Variants in ZNF473 observed in about 807,000 individuals in gnomAD.
ZNF473 encodes zinc finger protein 473, also known as zinc finger protein 100 homolog.
ZNF473 carries 4 observed loss-of-function variants against 11.1 expected under a neutral mutation model. The observed-to-expected ratio is 0.36, with a 90% CI of 0.18 to 0.82. The LOEUF (loss-of-function observed/expected upper bound fraction) is 0.82. Ranked by LOEUF, ZNF473 falls within the 40% of genes least tolerant of loss-of-function variation. The probability of loss-of-function intolerance (pLI) is 0.49; values close to 1 mark genes in which losing one functional copy is unlikely to be tolerated. For missense variants in ZNF473, 854 were observed against 1,084.0 expected, an observed-to-expected ratio of 0.79 and a Z score of 2.98; for synonymous variants, 404 against 390.4, an observed-to-expected ratio of 1.03 and a Z score of -0.41.
Position 50,039,403 on chromosome 19 carries a change from C to T in ZNF473, c.136+116C>T. ...CTGGGCTCCTCAGAATCAGCATGACCTAGCCCAGCAGTTCTCAGCTGGCCG... is the reference window on the plus strand; with the variant it reads ...CTGGGCTCCTCAGAATCAGCATGACTTAGCCCAGCAGTTCTCAGCTGGCCG... On this transcript the variant is annotated intron_variant, in intron 3 of 4. Coordinates refer to ENST00000270617, the MANE Select transcript of ZNF473 (RefSeq NM_015428.4). The surrounding 1 kb of genome is among the most constrained non-coding windows in gnomAD (Gnocchi z 4.8). The T allele has an allele frequency of 2.2e-6, 3 of 1,384,934 alleles. No individual in the cohort carries two copies. Among genetic ancestry groups the T allele is most frequent in the Non-Finnish European group, 3.0e-6 (3 of 1,015,394 alleles). The allele number at this position is 1,384,934 out of a possible 1,614,324, so 85.8% of individuals were successfully genotyped here. A position where few individuals can be genotyped will look rare whatever the true frequency, so the allele number is the denominator to read the frequency against.
intron 2 of ZNF473, among the ~76,000 whole-genome samples, chr19:50,035,940 T>C (rs1283774146): frequency 6.6e-6 from 1 of 151,808 alleles, no homozygotes; most frequent in Non-Finnish European, 1.5e-5. Flanking sequence ...CCGTGTGCTG[T>C]GGTTGGAATG....
chr19:50,039,912 C>T lies in ZNF473; in HGVS notation c.136+625C>T, dbSNP rs1344351138. On this transcript the variant is annotated intron_variant, in intron 3 of 4. Transcript: ENST00000270617. The surrounding 1 kb of genome is among the most constrained non-coding windows in gnomAD (Gnocchi z 4.8). Reference sequence around the variant, plus strand: ...GAACGAACAGTACCTGCTCTAGGGCCCAGCAGACAGCTCTAAACTAATGAA... The same window carrying T: ...GAACGAACAGTACCTGCTCTAGGGCTCAGCAGACAGCTCTAAACTAATGAA... Among the ~76,000 whole-genome samples the T allele has an allele frequency of 6.6e-6, 1 of 152,158 alleles. No individual in the cohort carries two copies.
At chr19:50,040,308 G>A (rs775136156) in intron 3 of ZNF473, among the ~76,000 whole-genome samples, 2 of 152,218 alleles carry the variant, frequency 1.3e-5, no homozygotes, top group Non-Finnish European at 2.9e-5. Context: ...ATGTGATATC[G>A]CGTGTGAAAT....
chr19:50,031,495 C>T (rs1031398333), intron 2 of ZNF473, among the ~76,000 whole-genome samples: 1 of 152,204 alleles, frequency 6.6e-6, no homozygotes, highest in African/African-American at 2.4e-5. Flanking sequence ...GTTGGGCCCT[C>T]TGCTGGAATT....
intron 3 of ZNF473, among the ~76,000 whole-genome samples, chr19:50,040,286 C>A (rs1978698271): frequency 6.6e-6 from 1 of 152,236 alleles, no homozygotes. Context: ...ATTCCCCCAG[C>A]AATACTGTAG....
In ZNF473 at chr19:50,045,076, T is replaced by C. The variant is rs772775849; in HGVS notation, c.633T>C (p.Cys211=). ...AGGAAGGGGAGAAACCATATCAATG[T>C]AGTGAATGTGGGAAAAGCTTCAGTG... ...SVQEGEKPYQ[C]SECGKSFSGS... is the part of the protein sequence containing the mutation. The change falls in exon 5 of 5, where the codon TGT becomes TGC. Residue 211 remains cysteine, a synonymous_variant. Transcript: ENST00000270617. 1.2e-6 allele frequency: 2 copies of C among 1,614,122 alleles called. No homozygotes were observed. The highest frequency in any genetic ancestry group is 1.7e-6 in the Non-Finnish European group (2 of 1,180,016).
intron 1 of ZNF473, among the ~76,000 whole-genome samples, chr19:50,029,378 C>T (rs2077304857): frequency 6.6e-6 from 1 of 152,238 alleles, no homozygotes; most frequent in South Asian, 2.1e-4. Context: ...GATCTCCTGA[C>T]CTCGTGATCC....
chr19:50,039,578 G>T lies in ZNF473; in HGVS notation c.136+291G>T, dbSNP rs184873911. Among the ~76,000 whole-genome samples the T allele has an allele frequency of 1.6e-3, 249 of 152,374 alleles. No individual in the cohort carries two copies. The highest frequency in any genetic ancestry group is 5.5e-3 in the African/African-American group (227 of 41,578). ...GCCCCACAACCAAGGATTGGCCCAC[G>T]CCAGTGTCAGTAGTGCTAAGCCTGG... On this transcript the variant is annotated intron_variant, in intron 3 of 4. Coordinates refer to ENST00000270617, the MANE Select transcript of ZNF473 (RefSeq NM_015428.4). The surrounding 1 kb of genome is among the most constrained non-coding windows in gnomAD (Gnocchi z 4.8).
intron 1 of ZNF473, among the ~76,000 whole-genome samples, chr19:50,029,231 C>T (rs1259666336): frequency 1.3e-5 from 2 of 152,222 alleles, no homozygotes; most frequent in African/African-American, 2.4e-5. Context: ...CAAGCTCCAC[C>T]TCCCGGGTTC....
chr19:50,041,930 C>T lies in ZNF473; in HGVS notation c.226+111C>T. 3.7e-6 allele frequency: 3 copies of T among 821,716 alleles called. No homozygotes were observed. In the South Asian group the frequency reaches 5.5e-5, roughly 15 times the overall value. 50.9% of individuals were successfully genotyped at this position (821,716 alleles called of 1,614,324 possible). On this transcript the variant is annotated intron_variant, in intron 4 of 4. Transcript: ENST00000270617. The stretch of plus-strand genomic sequence containing the variant: ...ACCGAGACATTACAACGCTCAGCTT[C>T]AGGACTTCACTCTGCTTCTCGCTGG...
chr19:50,038,942 G>T (rs1249294579), intron 2 of ZNF473, among the ~76,000 whole-genome samples: 1 of 152,142 alleles, frequency 6.6e-6, no homozygotes, highest in Non-Finnish European at 1.5e-5. Context: ...TGTTAACTTC[G>T]GTTGACATCC....
chr19:50,035,540 AAC>A (rs1446951884), intron 2 of ZNF473, among the ~76,000 whole-genome samples: 1 of 150,870 alleles, frequency 6.6e-6, no homozygotes, highest in African/African-American at 2.4e-5. Flanking sequence ...AATTCAATGT[AAC>A]ACACCCAGGT....
At chr19:50,041,915 T>TA (rs1844353451) in intron 4 of ZNF473, 96 bp downstream of exon 4, 50 of 973,968 alleles carry the variant, frequency 5.1e-5, no homozygotes, top group Non-Finnish European at 6.9e-5. Flanking sequence ...ACCGAGACAT[T>TA]ACAACGCTCA....
rs1978663773 is a variant in ZNF473 at position 50,039,615 on chromosome 19, C to G, written c.136+328C>G. Reference sequence around the variant, plus strand: ...AGTGCTAAGCCTGGGAAACCCTGCTCTGGCCCCTATCTGCCTCCCCAGCCT... The same window carrying G: ...AGTGCTAAGCCTGGGAAACCCTGCTGTGGCCCCTATCTGCCTCCCCAGCCT... On this transcript the variant is annotated intron_variant, in intron 3 of 4. Transcript: ENST00000270617. This position sits in a 1 kb window ranked among gnomAD's most constrained non-coding sequence, Gnocchi z 4.8. Among the ~76,000 whole-genome samples, 1 of 152,282 alleles carries G rather than the reference C, an allele frequency of 6.6e-6. No individual in the cohort carries two copies. The highest frequency in any genetic ancestry group is 2.1e-4 in the South Asian group (1 of 4,838).
At position 50,039,066 on chromosome 19, in the gene ZNF473, C is replaced by A; in HGVS notation, c.10-95C>A. On this transcript the variant is annotated intron_variant, in intron 2 of 4. Transcript: ENST00000270617. This position sits in a 1 kb window ranked among gnomAD's most constrained non-coding sequence, Gnocchi z 4.8. The stretch of plus-strand genomic sequence containing the variant: ...GAGGATGGGATGGTTTTTGCCAAAG[C>A]CCTGGCAGATTGAGGGCTGGGAGTG... 2.0e-6 allele frequency: 3 copies of A among 1,524,050 alleles called. 1 individual carries two copies. The highest frequency in any genetic ancestry group is 2.4e-5 in the South Asian group (2 of 83,504). 94.4% of individuals were successfully genotyped at this position (1,524,050 alleles called of 1,614,324 possible).
chr19:50,037,844 A>AAT (rs1237981058), intron 2 of ZNF473, among the ~76,000 whole-genome samples: 4 of 151,548 alleles, frequency 2.6e-5, no homozygotes, highest in African/African-American at 9.7e-5. Context: ...CTGTATATAT[A>AAT]ATATATATAA....
Position 50,044,883 on chromosome 19 carries a change from G to A in ZNF473, c.440G>A (p.Cys147Tyr), listed in dbSNP as rs1403663479. 6.2e-7 allele frequency: 1 copy of A among 1,614,214 alleles called. No individual in the cohort carries two copies. The change falls in exon 5 of 5, where the codon TGC becomes TAC. Residue 147 changes from cysteine (C) to tyrosine (Y), a missense_variant. Around this residue, in one of 2 missense-constraint regions of ZNF473, gnomAD observed 668 missense variants for 790.2 expected, o/e 0.85. Transcript: ENST00000270617. ...IATNGESPTE[C>Y]KSHELKRGLS... ...ACCAACGGGGAAAGTCCCACGGAAT[G>A]CAAGAGTCATGAATTAAAGAGAGGA...
rs574079448 is a variant in ZNF473 at position 50,047,342 on chromosome 19, G to A, written c.*283G>A. 2.0e-3 allele frequency: 704 copies of A among 360,826 alleles called. 2 individuals are homozygous for A. The highest frequency in any genetic ancestry group is 3.8e-3 in the Admixed American group (92 of 24,102). The allele number at this position is 360,826 out of a possible 1,614,324, so 22.4% of individuals were successfully genotyped here. ...GGGAAGGTCAGAAAAATCTCTCAGG[G>A]CCTCGGTGTCCTTATCTGTAAAATG... On this transcript the variant is annotated 3_prime_UTR_variant, in exon 5 of 5. Coordinates refer to ENST00000270617, the MANE Select transcript of ZNF473 (RefSeq NM_015428.4).
chr19:50,028,259 C>T (rs1195918144), intron 1 of ZNF473, among the ~76,000 whole-genome samples: 3 of 149,286 alleles, frequency 2.0e-5, no homozygotes, highest in East Asian at 2.0e-4. Context: ...GATCGCGCCA[C>T]TGCACTCCAG....
Sources: allele counts gnomAD v4.1 joint callset (sites outside exome capture counted in the v4.1 genomes callset), GRCh38; gene constraint gnomAD v4.1.1; regional missense constraint gnomAD v4.1.1; non-coding constraint Gnocchi (gnomAD v3.1); transcripts MANE v1.5; gene names NCBI Gene and HGNC (gene_info 2026-07-23, HGNC 2026-07-21).